NRXN3: variants seen among roughly 807,000 people sequenced by gnomAD.
The protein encoded by NRXN3 is neurexin III.
A neutral mutation model predicts 137.6 loss-of-function variants in NRXN3; 32 were observed. That is an observed-to-expected ratio of 0.23 (90% CI 0.18 to 0.31). The LOEUF (loss-of-function observed/expected upper bound fraction) is 0.31, where lower values mean the gene tolerates loss of function less well. Ranked by LOEUF, NRXN3 falls within the 10% of genes least tolerant of loss-of-function variation. The pLI, the probability that NRXN3 is intolerant of heterozygous loss-of-function variation, is 1.00. For synonymous variants in NRXN3, 798 were observed against 784.5 expected, an observed-to-expected ratio of 1.02 and a Z score of -0.29; for missense variants, 1,574 against 2,062.5, an observed-to-expected ratio of 0.76 and a Z score of 4.59.
intron 10 of NRXN3, among the ~76,000 whole-genome samples, chr14:78,813,794 C>T (rs1280505513): frequency 6.6e-6 from 1 of 152,014 alleles, no homozygotes; most frequent in Non-Finnish European, 1.5e-5. Flanking sequence ...CGAGAGAAAT[C>T]AATGGGCCAT....
intron 10 of NRXN3, 133 bp from the exon 11 acceptor site, chr14:78,957,109 G>T (rs7157841): frequency 2.2e-6 from 2 of 923,460 alleles, no homozygotes; most frequent in Non-Finnish European, 1.6e-6. Flanking sequence ...AGTAAAATTC[G>T]AATGGACTTT....
chr14:78,687,968 C>T (rs1490747363), intron 6 of NRXN3, among the ~76,000 whole-genome samples: 1 of 152,150 alleles, frequency 6.6e-6, no homozygotes, highest in Non-Finnish European at 1.5e-5. Context: ...TGGCATTATC[C>T]AAGTGCAGAT....
intron 17 of NRXN3, among the ~76,000 whole-genome samples, chr14:79,677,504 T>C (rs2098646974): frequency 6.6e-6 from 1 of 152,134 alleles, no homozygotes. Flanking sequence ...ACTGAATTTT[T>C]TTCTGTGGTA....
chr14:78,293,290 A>G (rs2075988424), intron 3 of NRXN3, among the ~76,000 whole-genome samples: 1 of 152,078 alleles, frequency 6.6e-6, no homozygotes, highest in African/African-American at 2.4e-5. Flanking sequence ...TCATCTATGA[A>G]TGGGGTTGTG....
intron 4 of NRXN3, among the ~76,000 whole-genome samples, chr14:78,467,969 G>A (rs188874007): frequency 6.6e-6 from 1 of 152,126 alleles, no homozygotes; most frequent in Admixed American, 6.5e-5. Context: ...TGTCGCACAG[G>A]CTGGAGCGCA....
intron 20 of NRXN3, among the ~76,000 whole-genome samples, chr14:79,838,125 C>G (rs960387063): frequency 1.3e-5 from 2 of 152,024 alleles, no homozygotes; most frequent in African/African-American, 4.8e-5. Flanking sequence ...CCCAAGCAAG[C>G]CTAACCTACA....
chr14:78,993,834 A>ATTTT (rs58170856), intron 15 of NRXN3, among the ~76,000 whole-genome samples: 1,160 of 66,986 alleles, frequency 0.017, 135 homozygotes, highest in Non-Finnish European at 0.027. Flanking sequence ...GAGCCTTGAA[A>ATTTT]TTTTTTTTTT....
At chr14:79,632,888 C>G (rs1439299564) in intron 16 of NRXN3, among the ~76,000 whole-genome samples, 1 of 152,120 alleles carries the variant, frequency 6.6e-6, no homozygotes, top group African/African-American at 2.4e-5. Flanking sequence ...TTAACATATA[C>G]AGCTTTTATA....
At chr14:78,968,470 C>A in intron 14 of NRXN3, 124 bp downstream of exon 14, 1 of 762,366 alleles carries the variant, frequency 1.3e-6, no homozygotes, top group Non-Finnish European at 2.1e-6. Flanking sequence ...TGCCACGTGA[C>A]ATTGCATCAC....
chr14:79,414,198 A>G (rs1432761673), intron 15 of NRXN3, among the ~76,000 whole-genome samples: 3 of 152,066 alleles, frequency 2.0e-5, no homozygotes, highest in Non-Finnish European at 4.4e-5. Flanking sequence ...ATGTTTGAGT[A>G]AGAAATGCAG....
chr14:79,635,267 C>G (rs1035391876), intron 16 of NRXN3, among the ~76,000 whole-genome samples: 1 of 152,042 alleles, frequency 6.6e-6, no homozygotes, highest in African/African-American at 2.4e-5. Context: ...AAAAGAAAAC[C>G]AGTAAGCAAA....
At chr14:78,269,375 GGGGT>G (rs2072337363) in intron 2 of NRXN3, among the ~76,000 whole-genome samples, 1 of 152,162 alleles carries the variant, frequency 6.6e-6, no homozygotes, top group Non-Finnish European at 1.5e-5. Flanking sequence ...CCACTTATAT[GGGGT>G]ACCTAGAATG....
At chr14:78,972,672 G>A (rs534274533) in intron 14 of NRXN3, among the ~76,000 whole-genome samples, 8 of 152,184 alleles carry the variant, frequency 5.3e-5, no homozygotes, top group Non-Finnish European at 8.8e-5. Flanking sequence ...TGAGGAGGCC[G>A]GCTCTGTCCC....
intron 20 of NRXN3, among the ~76,000 whole-genome samples, chr14:79,809,517 A>G (rs1205966785): frequency 1.3e-5 from 2 of 152,170 alleles, no homozygotes; most frequent in African/African-American, 4.8e-5. Flanking sequence ...AGATTATTTT[A>G]TAAGTCACAG....
intron 16 of NRXN3, among the ~76,000 whole-genome samples, chr14:79,636,889 A>G (rs1034394659): frequency 1.3e-5 from 2 of 152,208 alleles, no homozygotes; most frequent in African/African-American, 4.8e-5. Context: ...TCACTTCACT[A>G]GTGAGAAAGC....
intron 10 of NRXN3, among the ~76,000 whole-genome samples, chr14:78,916,740 A>C (rs1373362620): frequency 6.6e-6 from 1 of 152,236 alleles, no homozygotes; most frequent in Non-Finnish European, 1.5e-5. Flanking sequence ...CTGCCTTCAC[A>C]AAGTACCCTG....
At chr14:78,549,051 C>G (rs1275195121) in intron 4 of NRXN3, among the ~76,000 whole-genome samples, 1 of 152,206 alleles carries the variant, frequency 6.6e-6, no homozygotes, top group East Asian at 1.9e-4. Context: ...CCTCTTTCCC[C>G]CTTTCTGACA....
chr14:78,940,137 C>T (rs1291054828), intron 10 of NRXN3, among the ~76,000 whole-genome samples: 1 of 152,120 alleles, frequency 6.6e-6, no homozygotes. Context: ...ATAAAAATGC[C>T]CTCCACTACC....
In NRXN3 at chr14:78,852,214, T is replaced by C. The variant is rs912762597; in HGVS notation, c.2275+41870T>C. On this transcript the variant is annotated intron_variant, in intron 10 of 20. Coordinates refer to ENST00000335750, the MANE Select transcript of NRXN3 (RefSeq NM_001330195.2). ...GTCCCTGCATCCAGATTTACAGCTCTTTGCTTACACATCCATCATTGTTAA... is the reference window on the plus strand; with the variant it reads ...GTCCCTGCATCCAGATTTACAGCTCCTTGCTTACACATCCATCATTGTTAA... Among the ~76,000 whole-genome samples the C allele has an allele frequency of 3.3e-5, 5 of 152,290 alleles. No individual in the cohort carries two copies. The East Asian group carries it at 9.7e-4, about 29-fold the overall frequency.
Sources: allele counts gnomAD v4.1 joint callset (sites outside exome capture counted in the v4.1 genomes callset), GRCh38; gene constraint gnomAD v4.1.1; transcripts MANE v1.5; gene names NCBI Gene and HGNC (gene_info 2026-07-23, HGNC 2026-07-21).